The following PCM1 variants were observed in gnomAD, a reference collection of about 807,000 sequenced individuals.
PCM1 encodes pericentriolar material 1 protein.
In PCM1, 157 loss-of-function variants were observed where a neutral mutation model predicts 241.9. The observed-to-expected ratio is 0.65, with a 90% confidence interval of 0.57 to 0.74. The LOEUF (loss-of-function observed/expected upper bound fraction) is 0.74. Ranked by LOEUF, PCM1 falls within the 30% of genes least tolerant of loss-of-function variation. PCM1 has a pLI of 0.00. For synonymous variants in PCM1, 1,085 were observed against 784.9 expected (o/e 1.38, Z -6.39); for missense variants, 3,478 against 2,360.1 (o/e 1.47, Z -9.81).
chr8:18,001,792 A>T (rs1289667258), intron 29 of PCM1, among the ~76,000 whole-genome samples: 1 of 151,538 alleles, frequency 6.6e-6, no homozygotes, highest in East Asian at 1.9e-4. Context: ...TTTTTTTTGG[A>T]ATGTTTTGAG....
intron 6 of PCM1, among the ~76,000 whole-genome samples, chr8:17,942,858 G>T (rs544958276): frequency 2.3e-3 from 347 of 152,082 alleles, no homozygotes; most frequent in African/African-American, 8.0e-3. Context: ...TTAGCCAGGT[G>T]TGGTAGTATG....
At position 17,964,679 on chromosome 8, in the gene PCM1, G is replaced by C; in HGVS notation, c.2766G>C (p.Glu922Asp). The C allele has an allele frequency of 1.2e-6, 2 of 1,613,890 alleles. No homozygotes were observed. The highest frequency in any genetic ancestry group is 1.7e-6 in the Non-Finnish European group (2 of 1,179,780). The change falls in exon 18 of 39, where the codon GAG (glutamate) becomes GAC (aspartate). Residue 922 changes from glutamate to aspartate, a missense_variant. Physicochemically the swap from Glu to Asp is conservative, Grantham distance 45 (BLOSUM62 2). Coordinates refer to ENST00000325083, the MANE Select transcript of PCM1 (RefSeq NM_006197.4). The part of the protein sequence containing the change: ...IVRTDEEEEE[E>D]QDASSNDNFS... ...GGACAGATGAAGAGGAGGAAGAAGAGCAAGATGCCAGTTCCAATGATAACT... is the reference window on the plus strand; with the variant it reads ...GGACAGATGAAGAGGAGGAAGAAGACCAAGATGCCAGTTCCAATGATAACT...
Position 17,991,483 on chromosome 8 carries a change from G to A in PCM1, c.4532-59G>A, listed in dbSNP as rs552878401. The A allele has an allele frequency of 7.2e-5, 100 of 1,398,458 alleles. No individual in the cohort carries two copies. In the African/African-American group the frequency reaches 1.2e-3, roughly 17 times the overall value. The allele number at this position is 1,398,458 out of a possible 1,614,324, so 86.6% of individuals were successfully genotyped here. ...ACATTTTTTTATTAATGCATTTTGA[G>A]GAATATATGAAAAAGTTCACTTTTA... On this transcript the variant is annotated intron_variant, in intron 27 of 38. Transcript: ENST00000325083.
intron 29 of PCM1, among the ~76,000 whole-genome samples, chr8:17,997,850 C>G (rs992101763): frequency 6.6e-6 from 1 of 150,924 alleles, no homozygotes; most frequent in African/African-American, 2.4e-5. Context: ...CACGGTGAAA[C>G]CCCGCCTCTA....
chr8:17,972,680 A>G lies in PCM1; in HGVS notation c.3936A>G (p.Lys1312=), dbSNP rs1187190584. ...RNSTQLKSRV[K]NIRYESASMS... ...CTACTCAGCTGAAAAGCAGAGTTAA[A>G]AACATCAGTAAGTGTTGAAATTTGT... is the stretch of plus-strand genomic sequence containing the variant. Residue 1312 remains lysine (K), a synonymous_variant, in exon 23 of 39, where the codon AAA becomes AAG. Transcript: ENST00000325083. The G allele has an allele frequency of 6.6e-7, 1 of 1,524,388 alleles. No homozygotes were observed. The highest frequency in any genetic ancestry group is 2.3e-5 in the Admixed American group (1 of 42,634). 94.4% of individuals were successfully genotyped at this position (1,524,388 alleles called of 1,614,324 possible).
Position 18,025,365 on chromosome 8 carries a change from C to A in PCM1, c.5846C>A (p.Ala1949Glu). ...ESPVLVNDYEAESGNISQKSD... is the reference protein window; with the variant it reads ...ESPVLVNDYEEESGNISQKSD... ...TTTTTTTTCATTACATTACAGGAAG[C>A]AGAATCTGGTAATATAAGTCAAAAG... Residue 1949 changes from alanine to glutamate, a missense_variant, in exon 37 of 39, where the codon GCA becomes GAA. Physicochemically the swap from Ala to Glu is moderately radical, Grantham distance 107. Transcript: ENST00000325083. 1 of 1,564,822 alleles carries A rather than the reference C, an allele frequency of 6.4e-7. No individual in the cohort carries two copies. Among genetic ancestry groups the A allele is most frequent in the Non-Finnish European group, 8.8e-7 (1 of 1,142,246 alleles).
intron 17 of PCM1, among the ~76,000 whole-genome samples, chr8:17,963,636 T>C (rs2073562416): frequency 6.6e-6 from 1 of 152,208 alleles, no homozygotes; most frequent in Non-Finnish European, 1.5e-5. Flanking sequence ...AGGCCCTTTT[T>C]TGCTTAAATT....
chr8:17,956,683 A>G lies in PCM1; in HGVS notation c.1552A>G (p.Thr518Ala), dbSNP rs780666716. ...HYYEQTSDMM[T>A]DAVNENRKDE... ...TTATGAACAAACGTCAGACATGATGACAGATGCTGTGAATGAAAACAGGAA... is the reference window on the plus strand; with the variant it reads ...TTATGAACAAACGTCAGACATGATGGCAGATGCTGTGAATGAAAACAGGAA... Residue 518 changes from threonine to alanine, a missense_variant, in exon 11 of 39, where the codon ACA (threonine) becomes GCA (alanine). Thr to Ala is a moderately conservative substitution (Grantham distance 58, BLOSUM62 0). Coordinates refer to ENST00000325083, the MANE Select transcript of PCM1 (RefSeq NM_006197.4). 1 of 1,601,220 alleles carries G rather than the reference A, an allele frequency of 6.2e-7. No individual in the cohort carries two copies. The highest frequency in any genetic ancestry group is 8.5e-7 in the Non-Finnish European group (1 of 1,170,566).
chr8:17,974,538 C>G (rs948728141), intron 23 of PCM1, among the ~76,000 whole-genome samples: 1 of 152,142 alleles, frequency 6.6e-6, no homozygotes, highest in Non-Finnish European at 1.5e-5. Flanking sequence ...CTAACAGACT[C>G]TCTTGTGTTG....
At chr8:17,926,891 G>A (rs555754960) in intron 2 of PCM1, 2 of 152,112 alleles carry the variant, frequency 1.3e-5, no homozygotes, top group East Asian at 1.9e-4. Flanking sequence ...CAAATTATCA[G>A]TTCAGTATTG....
chr8:17,957,237 G>T, intron 11 of PCM1, 27 bp from the exon 12 acceptor site: 2 of 1,540,386 alleles, frequency 1.3e-6, no homozygotes, highest in South Asian at 2.5e-5. Context: ...TGCCTTAAAT[G>T]ACTTCAGGCT....
intron 23 of PCM1, among the ~76,000 whole-genome samples, chr8:17,978,031 G>A (rs1009023915): frequency 6.6e-6 from 1 of 151,936 alleles, no homozygotes; most frequent in Non-Finnish European, 1.5e-5. Context: ...ACAAAATATT[G>A]AACAAATACA....
chr8:18,002,064 C>CTTTT lies in PCM1; in HGVS notation c.4828-4189_4828-4186dup, dbSNP rs1208413264. Among the ~76,000 whole-genome samples, 26 of 10,138 alleles carry CTTTT rather than the reference C, an allele frequency of 2.6e-3. 3 individuals carry two copies. Among genetic ancestry groups the CTTTT allele is most frequent in the Non-Finnish European group, 3.5e-3 (23 of 6,662 alleles). 6.7% of individuals were successfully genotyped at this position (10,138 alleles called of 152,430 possible). A position where few individuals can be genotyped will look rare whatever the true frequency, so the allele number is the denominator to read the frequency against. On this transcript the variant is annotated intron_variant, in intron 29 of 38. Coordinates refer to ENST00000325083, the MANE Select transcript of PCM1 (RefSeq NM_006197.4). ...GAGAGATCTGTTAAATTTTTTTTTT[C>CTTTT]TTTTTTTTTTTTTCTTTTTTTTATT... is the stretch of plus-strand genomic sequence containing the variant.
At chr8:17,957,805 A>G (rs369780403) in intron 13 of PCM1, 30 bp downstream of exon 13, 35 of 1,444,278 alleles carry the variant, frequency 2.4e-5, no homozygotes, top group Middle Eastern at 4.2e-4. Flanking sequence ...TTAAAAACCT[A>G]TTTGTCAAAT....
At position 17,949,319 on chromosome 8, in the gene PCM1, C is replaced by A. The variant is rs208761; in HGVS notation, c.962-1296C>A. Among the ~76,000 whole-genome samples the A allele has an allele frequency of 4.7e-3, 713 of 151,878 alleles. 5 individuals carry two copies. The highest frequency in any genetic ancestry group is 0.017 in the African/African-American group (684 of 41,404). On this transcript the variant is annotated intron_variant, in intron 7 of 38. Transcript: ENST00000325083. ...AATTATGTTACCTCAAAGAGTGTCC[C>A]TTTCACCATTTAACTAACAAGTTAC... is the stretch of plus-strand genomic sequence containing the variant.
At chr8:17,990,020 TG>T (rs765923899) in intron 27 of PCM1, 41 bp downstream of exon 27, 1 of 1,472,744 alleles carries the variant, frequency 6.8e-7, no homozygotes, top group Middle Eastern at 1.8e-4. Flanking sequence ...AACTTTAAGT[TG>T]ATCTGGTCCA....
At position 17,932,225 on chromosome 8, in the gene PCM1, A is replaced by G. The variant is rs527724486; in HGVS notation, c.-22-3364A>G. ...TAGTGTTGTTTTTTAATTTATCACA[A>G]TTATAGCGTAATAAACAACTTCATT... is the stretch of plus-strand genomic sequence containing the variant. On this transcript the variant is annotated intron_variant, in intron 2 of 38. Coordinates refer to ENST00000325083, the MANE Select transcript of PCM1 (RefSeq NM_006197.4). 2.4e-4 allele frequency among the ~76,000 whole-genome samples: 36 copies of G among 152,288 alleles called. 1 individual carries two copies. In the South Asian group the frequency reaches 7.5e-3, roughly 32 times the overall value.
chr8:18,012,240 GT>G (rs2092621641), intron 34 of PCM1, among the ~76,000 whole-genome samples: 1 of 152,068 alleles, frequency 6.6e-6, no homozygotes, highest in Non-Finnish European at 1.5e-5. Context: ...TCCTATTTGG[GT>G]TGTGAATCAT....
intron 36 of PCM1, among the ~76,000 whole-genome samples, chr8:18,019,117 T>C (rs2093553663): frequency 1.3e-5 from 2 of 152,052 alleles, no homozygotes; most frequent in Non-Finnish European, 2.9e-5. Context: ...TCTCTGCTTA[T>C]ACCTGGAAGA....
Sources: allele counts gnomAD v4.1 joint callset (sites outside exome capture counted in the v4.1 genomes callset), GRCh38; gene constraint gnomAD v4.1.1; transcripts MANE v1.5; gene names NCBI Gene and HGNC (gene_info 2026-07-23, HGNC 2026-07-21).